SAMD4B: variants seen among roughly 807,000 people sequenced by gnomAD.
SAMD4B encodes sterile alpha motif domain containing 4B.
A neutral mutation model predicts 74.5 loss-of-function variants in SAMD4B; 5 were observed. The observed-to-expected ratio is 0.07, with a 90% CI of 0.04 to 0.14. SAMD4B has a LOEUF of 0.14. SAMD4B is among the 10% of genes least tolerant of loss of function. SAMD4B has a pLI of 1.00. For missense variants in SAMD4B, 608 were observed against 921.8 expected, an observed-to-expected ratio of 0.66 and a Z score of 4.41; for synonymous variants, 373 against 374.9, an observed-to-expected ratio of 1.00 and a Z score of 0.06.
intron 1 of SAMD4B, among the ~76,000 whole-genome samples, chr19:39,343,396 C>G (rs2075453553): frequency 1.3e-5 from 2 of 151,460 alleles, no homozygotes; most frequent in Non-Finnish European, 2.9e-5. Context: ...TCCCATATCC[C>G]CAAAATAAAT....
rs766106869 is a variant in SAMD4B at position 39,383,768 on chromosome 19, A to T, written c.*241A>T. The T allele has an allele frequency of 1.6e-4, 239 of 1,482,204 alleles. No homozygotes were observed. Among genetic ancestry groups the T allele is most frequent in the Non-Finnish European group, 2.1e-4 (233 of 1,100,184 alleles). 91.8% of individuals were successfully genotyped at this position (1,482,204 alleles called of 1,614,324 possible). On this transcript the variant is annotated 3_prime_UTR_variant, in exon 14 of 14. Coordinates refer to ENST00000610417, the MANE Select transcript of SAMD4B (RefSeq NM_001384574.2). The surrounding 1 kb of genome is among the most constrained non-coding windows in gnomAD (Gnocchi z 4.1). ...TGGGGGCAGCCAGGATAAAGGGGGCAGGGACTGGCCAGACTGCCTGCCTCT... is the reference window on the plus strand; with the variant it reads ...TGGGGGCAGCCAGGATAAAGGGGGCTGGGACTGGCCAGACTGCCTGCCTCT...
chr19:39,388,871 G>A (rs569604093), downstream of SAMD4B: 142 of 1,613,458 alleles, frequency 8.8e-5, no homozygotes, highest in Admixed American at 1.1e-3. Flanking sequence ...CACATCTAGG[G>A]AGATGGAGGC....
Position 39,381,041 on chromosome 19 carries a change from C to T in SAMD4B, c.1900C>T (p.Arg634Cys), listed in dbSNP as rs779392873. Residue 634 changes from arginine to cysteine, a missense_variant, in exon 12 of 14, where the codon CGC becomes TGC. Physicochemically the swap from Arg to Cys is radical, Grantham distance 180. Coordinates refer to ENST00000610417, the MANE Select transcript of SAMD4B (RefSeq NM_001384574.2). ...GGSNSMPSQS[R>C]SSVQRTHSLP... Reference sequence around the variant, plus strand: ...CAGCAACAGCATGCCCAGTCAGAGCCGCAGCTCTGTGCAGCGCACCCACTC... The same window carrying T: ...CAGCAACAGCATGCCCAGTCAGAGCTGCAGCTCTGTGCAGCGCACCCACTC... 6.8e-6 allele frequency: 11 copies of T among 1,613,066 alleles called. No homozygotes were observed. The highest frequency in any genetic ancestry group is 2.2e-5 in the South Asian group (2 of 90,992).
downstream of SAMD4B, chr19:39,386,722 T>A (rs1205087096): frequency 6.2e-7 from 1 of 1,613,948 alleles, no homozygotes; most frequent in South Asian, 1.1e-5. The surrounding 1 kb of genome is among the most constrained non-coding windows in gnomAD (Gnocchi z 6.1). Flanking sequence ...CTCATTCATG[T>A]CCCGATGTTT....
In SAMD4B at chr19:39,376,431, C is replaced by T. The variant is rs768473195; in HGVS notation, c.908-6C>T. The stretch of plus-strand genomic sequence containing the variant: ...CTGACCTTTCACTCTCCCTCCTTTG[C>T]CAAAGATGTGCCCTCATGGCTCAAG... On this transcript the variant is annotated splice_region_variant and splice_polypyrimidine_tract_variant and intron_variant, in intron 5 of 13. Coordinates refer to ENST00000610417, the MANE Select transcript of SAMD4B (RefSeq NM_001384574.2). The T allele has an allele frequency of 1.2e-6, 2 of 1,608,456 alleles. No homozygotes were observed. The highest frequency in any genetic ancestry group is 1.7e-6 in the Non-Finnish European group (2 of 1,177,832).
intron 3 of SAMD4B, among the ~76,000 whole-genome samples, chr19:39,368,985 G>A (rs746836009): frequency 6.6e-6 from 1 of 152,180 alleles, no homozygotes; most frequent in Non-Finnish European, 1.5e-5. Flanking sequence ...AGGGGAAATG[G>A]CATAGAGGCC....
rs79606894 is a variant in SAMD4B, at chr19:39,352,913, C to T, written c.-266-1093C>T. Among the ~76,000 whole-genome samples, 441 of 152,162 alleles carry T rather than the reference C, an allele frequency of 2.9e-3. 4 individuals carry two copies. Among genetic ancestry groups the T allele is most frequent in the Middle Eastern group, 0.017 (5 of 294 alleles). ...TATCAAACCTCCTGTCACAAATGTTCCCTCTGAAATAGTAACATGTCCTTC... is the reference window on the plus strand; with the variant it reads ...TATCAAACCTCCTGTCACAAATGTTTCCTCTGAAATAGTAACATGTCCTTC... On this transcript the variant is annotated intron_variant, in intron 1 of 13. Transcript: ENST00000610417.
chr19:39,343,178 C>T (rs964597121), intron 1 of SAMD4B, among the ~76,000 whole-genome samples: 3 of 151,938 alleles, frequency 2.0e-5, no homozygotes, highest in South Asian at 2.1e-4. Context: ...CATTCCAGAA[C>T]TCTCCCCCGG....
chr19:39,361,579 G>A (rs562428936), intron 3 of SAMD4B, among the ~76,000 whole-genome samples: 1 of 146,968 alleles, frequency 6.8e-6, no homozygotes, highest in African/African-American at 2.5e-5. Flanking sequence ...TTGCGCCACT[G>A]TACTCCAGCC....
At chr19:39,356,003 G>T (rs2076323488) in intron 2 of SAMD4B, among the ~76,000 whole-genome samples, 1 of 152,166 alleles carries the variant, frequency 6.6e-6, no homozygotes, top group Admixed American at 6.6e-5. Flanking sequence ...CCAGAGTCAG[G>T]GAAGCTGGGT....
At position 39,380,101 on chromosome 19, in the gene SAMD4B, G is replaced by T; in HGVS notation, c.1649+17G>T. 1 of 1,599,646 alleles carries T rather than the reference G, an allele frequency of 6.3e-7. No homozygotes were observed. The highest frequency in any genetic ancestry group is 1.7e-5 in the Admixed American group (1 of 59,642). On this transcript the variant is annotated intron_variant, in intron 10 of 13. Coordinates refer to ENST00000610417, the MANE Select transcript of SAMD4B (RefSeq NM_001384574.2). ...GCAGAAAGGGTAGGCGGGTGGCCAG[G>T]TTACAGGGACCTGCCCTCCATAGGC...
At chr19:39,387,625 A>C (rs2145928844), downstream of SAMD4B, among the ~76,000 whole-genome samples, 1 of 152,322 alleles carries the variant, frequency 6.6e-6, no homozygotes, top group Non-Finnish European at 1.5e-5. Context: ...TCCCAACTCT[A>C]CACCAGAGGT....
At chr19:39,346,904 A>G (rs1379929028) in intron 1 of SAMD4B, among the ~76,000 whole-genome samples, 1 of 152,200 alleles carries the variant, frequency 6.6e-6, no homozygotes, top group African/African-American at 2.4e-5. Flanking sequence ...TAGAATTGTT[A>G]CGAGGATTAA....
chr19:39,350,399 T>G (rs1469841069), intron 1 of SAMD4B: 1 of 152,240 alleles, frequency 6.6e-6, no homozygotes, highest in East Asian at 1.9e-4. Flanking sequence ...AGGCACTGTT[T>G]ATGGGCATAT....
chr19:39,388,005 C>G (rs1009300351), downstream of SAMD4B, among the ~76,000 whole-genome samples: 1 of 152,136 alleles, frequency 6.6e-6, no homozygotes, highest in Non-Finnish European at 1.5e-5. Context: ...GCTGGCCATG[C>G]TGGCACACGC....
chr19:39,366,490 A>T (rs1410232392), intron 3 of SAMD4B, among the ~76,000 whole-genome samples: 2 of 152,150 alleles, frequency 1.3e-5, no homozygotes. Context: ...AAAAACTAAC[A>T]AACAGGTGTT....
chr19:39,355,968 C>T (rs1457811662), intron 2 of SAMD4B, among the ~76,000 whole-genome samples: 1 of 152,202 alleles, frequency 6.6e-6, no homozygotes, highest in East Asian at 1.9e-4. Flanking sequence ...TGGGTAAAAT[C>T]TGATAAATCA....
chr19:39,389,320 G>A (rs1343733429), downstream of SAMD4B: 2 of 1,614,156 alleles, frequency 1.2e-6, no homozygotes, highest in East Asian at 2.2e-5. This position sits in a 1 kb window ranked among gnomAD's most constrained non-coding sequence, Gnocchi z 5.3. Context: ...CATAACGGTT[G>A]AACTCAGTGG....
At chr19:39,343,981 G>GCCC (rs1234233375) in intron 1 of SAMD4B, among the ~76,000 whole-genome samples, 15 of 68,236 alleles carry the variant, frequency 2.2e-4, no homozygotes, top group Admixed American at 3.2e-4. Context: ...AGGTTTTCAG[G>GCCC]ACCCCCCCCC....
Sources: allele counts gnomAD v4.1 joint callset (sites outside exome capture counted in the v4.1 genomes callset), GRCh38; gene constraint gnomAD v4.1.1; non-coding constraint Gnocchi (gnomAD v3.1); transcripts MANE v1.5; gene names NCBI Gene and HGNC (gene_info 2026-07-23, HGNC 2026-07-21).